The following MCM3 variants were observed in gnomAD, a reference collection of about 807,000 sequenced individuals.
MCM3 encodes minichromosome maintenance complex component 3, also known as DNA replication licensing factor MCM3.
In MCM3, 59 loss-of-function variants were observed where a neutral mutation model predicts 91.3. That is an observed-to-expected ratio of 0.65 (90% CI 0.52 to 0.80). The LOEUF (loss-of-function observed/expected upper bound fraction) is 0.80. Ranked by LOEUF, MCM3 falls within the 30% of genes least tolerant of loss-of-function variation. The probability of loss-of-function intolerance (pLI) is 0.00; values close to 1 mark genes in which losing one functional copy is unlikely to be tolerated. For synonymous variants in MCM3, 383 were observed against 379.6 expected (o/e 1.01, Z -0.10); for missense variants, 919 against 1,035.4 (o/e 0.89, Z 1.54).
In MCM3 at chr6:52,280,960, G is replaced by C. The variant is rs572082664; in HGVS notation, c.531+1085C>G. 7.9e-5 allele frequency among the ~76,000 whole-genome samples: 12 copies of C among 152,342 alleles called. No individual in the cohort carries two copies. In the South Asian group the frequency reaches 2.5e-3, roughly 32 times the overall value. Reference sequence around the variant, plus strand: ...TTATGTTTCATTTCTCCACCACTGTGAAGACTAATGACGAGGACTGGGTCT... The same window carrying C: ...TTATGTTTCATTTCTCCACCACTGTCAAGACTAATGACGAGGACTGGGTCT... On this transcript the variant is annotated intron_variant, in intron 4 of 16. Transcript: ENST00000596288.
intron 15 of MCM3, 121 bp from the exon 16 acceptor site, chr6:52,266,265 TC>T: frequency 2.6e-6 from 2 of 768,910 alleles, no homozygotes; most frequent in South Asian, 3.1e-5. Flanking sequence ...CACTCCTATT[TC>T]CTAGGGTTCT....
intron 6 of MCM3, 80 bp from the exon 7 acceptor site, chr6:52,277,768 A>C: frequency 2.2e-6 from 3 of 1,386,350 alleles, no homozygotes; most frequent in Non-Finnish European, 3.0e-6. Context: ...ACTTTGGCCT[A>C]TAGAAAATAC....
Position 52,267,958 on chromosome 6 carries a change from T to C in MCM3, c.1979A>G (p.Lys660Arg). The C allele has an allele frequency of 6.2e-7, 1 of 1,613,498 alleles. No homozygotes were observed. Among genetic ancestry groups the C allele is most frequent in the Non-Finnish European group, 8.5e-7 (1 of 1,179,450 alleles). ...ACTTCGCTTCTTACGTTTCTTCTCCTTCTCCAGAACCTAAGACCAAGGCAA... is the reference window on the plus strand; with the variant it reads ...ACTTCGCTTCTTACGTTTCTTCTCCCTCTCCAGAACCTAAGACCAAGGCAA... ...QYAYFKKVLE[K>R]EKKRKKRSED... is the part of the protein sequence containing the mutation. Residue 660 changes from lysine (K) to arginine (R), a missense_variant, in exon 14 of 17, where the codon AAG (lysine) becomes AGG (arginine). By Grantham distance (26) the Lys-to-Arg change is conservative. Around this residue, in one of 3 missense-constraint regions of MCM3, gnomAD observed 285 missense variants for 311.4 expected, o/e 0.92. Coordinates refer to ENST00000596288, the MANE Select transcript of MCM3 (RefSeq NM_002388.6).
At chr6:52,280,934 T>C (rs944102175) in intron 4 of MCM3, among the ~76,000 whole-genome samples, 4 of 151,994 alleles carry the variant, frequency 2.6e-5, no homozygotes, top group African/African-American at 9.6e-5. Flanking sequence ...TTCGTTTTTG[T>C]TTATGTTTCA....
Position 52,264,799 on chromosome 6 carries a change from G to A in MCM3, c.2229-13C>T. On this transcript the variant is annotated splice_polypyrimidine_tract_variant and intron_variant, in intron 16 of 16. Coordinates refer to ENST00000596288, the MANE Select transcript of MCM3 (RefSeq NM_002388.6). The stretch of plus-strand genomic sequence containing the variant: ...GAATGCCTTCAACCTGCCCCAGACA[G>A]AAGAAAGGGGGAAGAGGAGTAAACA... 1 of 1,612,646 alleles carries A rather than the reference G, an allele frequency of 6.2e-7. No homozygotes were observed. Among genetic ancestry groups the A allele is most frequent in the South Asian group, 1.1e-5 (1 of 91,038 alleles).
At chr6:52,284,445 T>G in intron 1 of MCM3, 152 bp downstream of exon 1, 4 of 637,846 alleles carry the variant, frequency 6.3e-6, no homozygotes, top group Non-Finnish European at 7.8e-6. Flanking sequence ...AGTCCGGCGT[T>G]GAGAAGTTAC....
At chr6:52,283,783 GGTAACAAC>G (rs1454311682) in intron 1 of MCM3, among the ~76,000 whole-genome samples, 1 of 152,146 alleles carries the variant, frequency 6.6e-6, no homozygotes, top group Non-Finnish European at 1.5e-5. Context: ...GAATGTTAAA[GGTAACAAC>G]GTGAATAGAT....
chr6:52,280,197 A>C (rs983307278), intron 4 of MCM3, among the ~76,000 whole-genome samples: 1 of 152,256 alleles, frequency 6.6e-6, no homozygotes, highest in African/African-American at 2.4e-5. Context: ...CCCCTAGGTA[A>C]CATGAGCCCT....
intron 4 of MCM3, among the ~76,000 whole-genome samples, chr6:52,281,202 C>A (rs559710689): frequency 6.6e-6 from 1 of 152,318 alleles, no homozygotes; most frequent in Non-Finnish European, 1.5e-5. Flanking sequence ...CCTATGCCAA[C>A]CTGCTCCCAA....
chr6:52,267,959 T>C lies in MCM3; in HGVS notation c.1978A>G (p.Lys660Glu). Reference protein sequence around the residue: ...QYAYFKKVLEKEKKRKKRSED... With the variant: ...QYAYFKKVLEEEKKRKKRSED... The stretch of plus-strand genomic sequence containing the variant: ...CTTCGCTTCTTACGTTTCTTCTCCT[T>C]CTCCAGAACCTAAGACCAAGGCAAG... The change falls in exon 14 of 17, where the codon AAG becomes GAG. Residue 660 changes from lysine to glutamate, a missense_variant. By Grantham distance (56) the Lys-to-Glu change is moderately conservative (BLOSUM62 1). Around this residue, in one of 3 missense-constraint regions of MCM3, gnomAD observed 285 missense variants for 311.4 expected, o/e 0.92. Coordinates refer to ENST00000596288, the MANE Select transcript of MCM3 (RefSeq NM_002388.6). 2 of 1,613,560 alleles carry C rather than the reference T, an allele frequency of 1.2e-6. No homozygotes were observed. Among genetic ancestry groups the C allele is most frequent in the Non-Finnish European group, 1.7e-6 (2 of 1,179,518 alleles).
rs148061320 is a variant in MCM3, at chr6:52,279,205, T to C, written c.770+156A>G. ...GTTAAGTATCACCAGCTTTATCTGA[T>C]AGAAAAGAGGTATTGAAGGTATCCT... On this transcript the variant is annotated intron_variant, in intron 5 of 16. Coordinates refer to ENST00000596288, the MANE Select transcript of MCM3 (RefSeq NM_002388.6). 9.2e-5 allele frequency among the ~76,000 whole-genome samples: 14 copies of C among 152,330 alleles called. No homozygotes were observed. The East Asian group carries it at 1.9e-3, about 21-fold the overall frequency.
intron 16 of MCM3, chr6:52,265,365 C>G (rs1331339672): frequency 2.4e-5 from 8 of 338,192 alleles, no homozygotes; most frequent in African/African-American, 8.9e-5. Flanking sequence ...CCAGCCTGGG[C>G]AACATGGTGA....
rs189558020 is a variant in MCM3 at position 52,282,014 on chromosome 6, C to T, written c.531+31G>A. On this transcript the variant is annotated intron_variant, in intron 4 of 16. Transcript: ENST00000596288. ...AACAGGTATCTTTGATTCCAACCTC[C>T]AAGACAGCTCAACTGATTTATCCCC... The T allele has an allele frequency of 1.8e-4, 285 of 1,611,302 alleles. No individual in the cohort carries two copies. The African/African-American group carries it at 2.5e-3, about 14-fold the overall frequency.
chr6:52,282,890 AGACT>A lies in MCM3; in HGVS notation c.192-33_192-30del, dbSNP rs760608320. ...TACATAAGCAAGAGAAAGAAAAATTAGACTGGGCAGAACTCAAAAAAATGGATCC... is the reference window on the plus strand; with the variant it reads ...TACATAAGCAAGAGAAAGAAAAATTAGGGCAGAACTCAAAAAAATGGATCC... On this transcript the variant is annotated intron_variant, in intron 2 of 16. Transcript: ENST00000596288. The A allele has an allele frequency of 2.4e-5, 37 of 1,571,740 alleles. 1 individual carries two copies. The Middle Eastern group carries it at 1.2e-3, about 51-fold the overall frequency.
intron 14 of MCM3, among the ~76,000 whole-genome samples, chr6:52,267,503 TCC>T (rs374726905): frequency 6.8e-4 from 96 of 140,766 alleles, no homozygotes; most frequent in African/African-American, 2.5e-3. Flanking sequence ...TCTACTTCTC[TCC>T]CCAGTCCCAC....
chr6:52,279,556 A>C lies in MCM3; in HGVS notation c.575T>G (p.Val192Gly). ...NPLETEYGLSVYKDHQTITIQ... is the reference protein window; with the variant it reads ...NPLETEYGLSGYKDHQTITIQ... Reference sequence around the variant, plus strand: ...GGTGATGGTCTGGTGATCCTTGTAGACAGAAAGGCCATATTCTGTCTCAAG... The same window carrying C: ...GGTGATGGTCTGGTGATCCTTGTAGCCAGAAAGGCCATATTCTGTCTCAAG... Residue 192 changes from valine to glycine, a missense_variant, in exon 5 of 17, where the codon GTC becomes GGC. Around this residue, in one of 3 missense-constraint regions of MCM3, gnomAD observed 401 missense variants for 402.7 expected, o/e 1.00. Coordinates refer to ENST00000596288, the MANE Select transcript of MCM3 (RefSeq NM_002388.6). The C allele has an allele frequency of 6.2e-7, 1 of 1,614,094 alleles. No individual in the cohort carries two copies. The highest frequency in any genetic ancestry group is 8.5e-7 in the Non-Finnish European group (1 of 1,180,022).
At chr6:52,278,092 A>G (rs1345387367) in intron 6 of MCM3, among the ~76,000 whole-genome samples, 6 of 151,162 alleles carry the variant, frequency 4.0e-5, no homozygotes, top group East Asian at 3.9e-4. Flanking sequence ...AAAAAAAAAA[A>G]AAAAAGAAAA....
chr6:52,270,328 CAAAA>C (rs35565084), intron 12 of MCM3, among the ~76,000 whole-genome samples: 4 of 103,458 alleles, frequency 3.9e-5, no homozygotes, highest in Admixed American at 1.1e-4. Flanking sequence ...GATTCCATCT[CAAAA>C]AAAAAAAAAA....
chr6:52,275,121 C>T (rs970828951), intron 9 of MCM3, among the ~76,000 whole-genome samples: 1 of 152,126 alleles, frequency 6.6e-6, no homozygotes, highest in Non-Finnish European at 1.5e-5. Context: ...AAAACCAAAC[C>T]TGTGGAGCCC....
Sources: gnomAD v4.1 joint callset for allele counts (sites outside exome capture counted in the v4.1 genomes callset) on GRCh38, gnomAD v4.1.1 for gene constraint, gnomAD v4.1.1 regional missense constraint, MANE v1.5 for transcripts, NCBI Gene and HGNC (gene_info 2026-07-23, HGNC 2026-07-21) for gene names.